Variants in IGDCC3 observed in about 807,000 individuals in gnomAD.
IGDCC3 encodes immunoglobulin superfamily DCC subclass member 3.
In IGDCC3, 47 loss-of-function variants were observed where a neutral mutation model predicts 72.0. The observed-to-expected ratio is 0.65, with a 90% CI of 0.52 to 0.83. The LOEUF (loss-of-function observed/expected upper bound fraction) is 0.83. Among genes scored for constraint, IGDCC3 ranks in the 40% least tolerant of loss-of-function variants. The pLI is 0.00. For missense variants in IGDCC3, 1,038 were observed against 1,091.3 expected, an observed-to-expected ratio of 0.95 and a Z score of 0.69; for synonymous variants, 477 against 472.8, an observed-to-expected ratio of 1.01 and a Z score of -0.11.
chr15:65,368,588 G>A (rs901502731), intron 2 of IGDCC3, among the ~76,000 whole-genome samples: 1 of 152,124 alleles, frequency 6.6e-6, no homozygotes, highest in Non-Finnish European at 1.5e-5. Context: ...GGGGGCCAAT[G>A]AGCCTGGGGA....
Position 65,331,096 on chromosome 15 carries a change from C to T in IGDCC3, c.1515G>A (p.Gly505=), listed in dbSNP as rs756101597. The T allele has an allele frequency of 2.5e-6, 4 of 1,613,966 alleles. No homozygotes were observed. Among genetic ancestry groups the T allele is most frequent in the East Asian group, 4.5e-5 (2 of 44,892 alleles). ...SFYIKAYTPR[G]ASSASVPTLA... ...GGGTGGGCACAGAGGCTGAGCTGGC[C>T]CCCCTTGGTGTGTAGGCCTTGATGT... Residue 505 remains glycine, a synonymous_variant, in exon 9 of 14, where the codon GGG becomes GGA. Transcript: ENST00000327987.
At chr15:65,365,609 C>T (rs1473321305) in intron 2 of IGDCC3, among the ~76,000 whole-genome samples, 1 of 152,168 alleles carries the variant, frequency 6.6e-6, no homozygotes, top group Admixed American at 6.5e-5. Context: ...CCCTGACTTG[C>T]TGGGGGGCTA....
At chr15:65,342,158 G>A (rs1276602794) in intron 2 of IGDCC3, among the ~76,000 whole-genome samples, 1 of 151,770 alleles carries the variant, frequency 6.6e-6, no homozygotes, top group African/African-American at 2.4e-5. Flanking sequence ...AGGCCGAGGC[G>A]GGTGGATCAC....
At chr15:65,376,787 A>C (rs1274866842) in intron 1 of IGDCC3, among the ~76,000 whole-genome samples, 1 of 152,156 alleles carries the variant, frequency 6.6e-6, no homozygotes. Context: ...GCGAGCTTCT[A>C]CTTCTTGGGA....
Position 65,335,928 on chromosome 15 carries a change from C to T in IGDCC3, c.438G>A (p.Gln146=). The T allele has an allele frequency of 6.2e-7, 1 of 1,614,154 alleles. No individual in the cohort carries two copies. The highest frequency in any genetic ancestry group is 8.5e-7 in the Non-Finnish European group (1 of 1,180,002). ...CACCACCCTCCTCACCCACGGTGGCCTGGGGATGCACGTGGAAGTCCGACA... is the reference window on the plus strand; with the variant it reads ...CACCACCCTCCTCACCCACGGTGGCTTGGGGATGCACGTGGAAGTCCGACA... The part of the protein sequence containing the change: ...ATMSDFHVHP[Q]ATVGEEGGVA... The change falls in exon 3 of 14, where the codon CAG becomes CAA. Residue 146 remains glutamine, a synonymous_variant. Coordinates refer to ENST00000327987, the MANE Select transcript of IGDCC3 (RefSeq NM_004884.4).
rs969162528 is a variant in IGDCC3, at chr15:65,377,971, G to T, written c.-183C>A. 1 of 393,356 alleles carries T rather than the reference G, an allele frequency of 2.5e-6. No homozygotes were observed. The highest frequency in any genetic ancestry group is 2.2e-5 in the African/African-American group (1 of 46,024). The allele number at this position is 393,356 out of a possible 1,614,324, so 24.4% of individuals were successfully genotyped here. The stretch of plus-strand genomic sequence containing the variant: ...GGGGGGCGCAGGGGGAGCGCCGCTT[G>T]CGCCATCTTGCACCCACCCGGGCGA... On this transcript the variant is annotated 5_prime_UTR_variant, in exon 1 of 14. Coordinates refer to ENST00000327987, the MANE Select transcript of IGDCC3 (RefSeq NM_004884.4). This position sits in a 1 kb window ranked among gnomAD's most constrained non-coding sequence, Gnocchi z 4.9.
Position 65,329,290 on chromosome 15 carries a change from C to A in IGDCC3, c.2205+100G>T. The A allele has an allele frequency of 1.4e-6, 2 of 1,477,520 alleles. No homozygotes were observed. The highest frequency in any genetic ancestry group is 2.2e-5 in the Admixed American group (1 of 45,672). 91.5% of individuals were successfully genotyped at this position (1,477,520 alleles called of 1,614,324 possible). The stretch of plus-strand genomic sequence containing the variant: ...GAGAAGACCTGCAGTTTGACTAAGG[C>A]CAATGATCGAGGCCCGTGGCCAAGG... On this transcript the variant is annotated intron_variant, in intron 13 of 13. Transcript: ENST00000327987. This position sits in a 1 kb window ranked among gnomAD's most constrained non-coding sequence, Gnocchi z 4.1.
At chr15:65,342,701 T>C (rs2091092934) in intron 2 of IGDCC3, among the ~76,000 whole-genome samples, 1 of 152,044 alleles carries the variant, frequency 6.6e-6, no homozygotes, top group South Asian at 2.1e-4. Context: ...CACTCCCCCC[T>C]CTTGGCCACG....
chr15:65,330,786 C>CTA, intron 9 of IGDCC3, 45 bp from the exon 10 acceptor site: 3 of 1,423,430 alleles, frequency 2.1e-6, no homozygotes, highest in Non-Finnish European at 2.9e-6. Flanking sequence ...CCAGTGGAAG[C>CTA]TCTATCTTTC....
chr15:65,330,483 G>A lies in IGDCC3; in HGVS notation c.1753+67C>T, dbSNP rs536972850. The A allele has an allele frequency of 4.7e-4, 740 of 1,575,226 alleles. 3 individuals are homozygous for A. The highest frequency in any genetic ancestry group is 6.7e-5 in the African/African-American group (5 of 74,288). On this transcript the variant is annotated intron_variant, in intron 10 of 13. Transcript: ENST00000327987. ...CAGGAAAGGGAGGTGACCCCTGTAC[G>A]CCACCTCCTGGCCCTCAGCGCCGCA...
At position 65,328,794 on chromosome 15, in the gene IGDCC3, A is replaced by G. The variant is rs773651680; in HGVS notation, c.*115T>C. ...TGACAACCCAAGAGGCAGTCAGGAT[A>G]GAAATGCTGGGGAGCCCCCAGGACC... On this transcript the variant is annotated 3_prime_UTR_variant, in exon 14 of 14. Transcript: ENST00000327987. 3.1e-5 allele frequency: 41 copies of G among 1,309,738 alleles called. No homozygotes were observed. Among genetic ancestry groups the G allele is most frequent in the African/African-American group, 6.1e-5 (4 of 65,414 alleles). 81.1% of individuals were successfully genotyped at this position (1,309,738 alleles called of 1,614,324 possible).
At chr15:65,343,496 A>G (rs573966554) in intron 2 of IGDCC3, among the ~76,000 whole-genome samples, 6 of 152,294 alleles carry the variant, frequency 3.9e-5, no homozygotes, top group South Asian at 2.1e-4. Context: ...CGGGGTCCCA[A>G]TAGACAAGCT....
chr15:65,355,373 G>A (rs1339375790), intron 2 of IGDCC3, among the ~76,000 whole-genome samples: 1 of 152,104 alleles, frequency 6.6e-6, no homozygotes, highest in Non-Finnish European at 1.5e-5. Context: ...CTTTGACTCC[G>A]GGCCTCAAAG....
intron 6 of IGDCC3, among the ~76,000 whole-genome samples, chr15:65,332,763 G>A (rs766711801): frequency 3.9e-5 from 6 of 152,238 alleles, no homozygotes; most frequent in Non-Finnish European, 8.8e-5. Context: ...GCCAGAGGCC[G>A]ATGGAAGGAC....
rs778894444 is a variant in IGDCC3, at chr15:65,330,552, A to G, written c.1751T>C (p.Leu584Pro). The part of the protein sequence containing the change: ...GTVSSYNLSQ[L>P]DPTAVYEVKL... Reference sequence around the variant, plus strand: ...GCTCTGGGCTGTGTCTGCCTCACCGAGCTGGCTGAGGTTGTAGGAGGAGAC... The same window carrying G: ...GCTCTGGGCTGTGTCTGCCTCACCGGGCTGGCTGAGGTTGTAGGAGGAGAC... The change falls in exon 10 of 14, where the codon CTC becomes CCC. Residue 584 changes from leucine to proline, a missense_variant and splice_region_variant. Coordinates refer to ENST00000327987, the MANE Select transcript of IGDCC3 (RefSeq NM_004884.4). 1.2e-6 allele frequency: 2 copies of G among 1,612,698 alleles called. No homozygotes were observed. Among genetic ancestry groups the G allele is most frequent in the East Asian group, 4.5e-5 (2 of 44,864 alleles).
At chr15:65,367,533 AT>A (rs1243277231) in intron 2 of IGDCC3, among the ~76,000 whole-genome samples, 1 of 151,602 alleles carries the variant, frequency 6.6e-6, no homozygotes, top group Non-Finnish European at 1.5e-5. Context: ...TATAATAATA[AT>A]AAAATAAAAT....
At chr15:65,350,375 C>G (rs2091163112) in intron 2 of IGDCC3, among the ~76,000 whole-genome samples, 1 of 151,952 alleles carries the variant, frequency 6.6e-6, no homozygotes, top group African/African-American at 2.4e-5. Context: ...CAGCCCGCCT[C>G]AGCCTCCCAA....
At chr15:65,371,661 C>A (rs975224628) in intron 2 of IGDCC3, among the ~76,000 whole-genome samples, 5 of 152,216 alleles carry the variant, frequency 3.3e-5, no homozygotes, top group African/African-American at 9.6e-5. Context: ...GAGCTGATCA[C>A]CCCAGTTCCC....
Position 65,329,470 on chromosome 15 carries a change from C to T in IGDCC3, c.2125G>A (p.Glu709Lys), listed in dbSNP as rs761189945. The T allele has an allele frequency of 2.7e-5, 44 of 1,610,674 alleles. No individual in the cohort carries two copies. The highest frequency in any genetic ancestry group is 2.2e-4 in the Admixed American group (13 of 58,866). The change falls in exon 13 of 14, where the codon GAG becomes AAG. Residue 709 changes from glutamate (E) to lysine (K), a missense_variant. Coordinates refer to ENST00000327987, the MANE Select transcript of IGDCC3 (RefSeq NM_004884.4). The surrounding 1 kb of genome is among the most constrained non-coding windows in gnomAD (Gnocchi z 4.1). ...RGQRGQLGRD[E>K]KRVDMKELEQ... is the part of the protein sequence containing the mutation. The stretch of plus-strand genomic sequence containing the variant: ...AGCTCCTTCATATCCACACGTTTCT[C>T]GTCTCGGCCCAGCTGGCCCCGCTGT...
Sources: allele counts gnomAD v4.1 joint callset (sites outside exome capture counted in the v4.1 genomes callset), GRCh38; gene constraint gnomAD v4.1.1; non-coding constraint Gnocchi (gnomAD v3.1); transcripts MANE v1.5; gene names NCBI Gene and HGNC (gene_info 2026-07-23, HGNC 2026-07-21).